Variants in NFATC1 observed in about 807,000 individuals in gnomAD.
The protein encoded by NFATC1 is nuclear factor of activated T-cells, cytoplasmic 1.
In NFATC1, 22 loss-of-function variants were observed where a neutral mutation model predicts 76.0. The ratio of observed to expected loss-of-function variants is 0.29; its 90% CI spans 0.21 to 0.41. The LOEUF (loss-of-function observed/expected upper bound fraction) is 0.41. NFATC1 is among the 10% of genes least tolerant of loss of function. The pLI is 1.00. For synonymous variants in NFATC1, 704 were observed against 613.1 expected (o/e 1.15, Z -2.19); for missense variants, 1,357 against 1,337.7 (o/e 1.01, Z -0.23).
intron 6 of NFATC1, among the ~76,000 whole-genome samples, chr18:79,454,899 C>G (rs968316601): frequency 1.3e-5 from 2 of 152,056 alleles, no homozygotes; most frequent in Non-Finnish European, 2.9e-5. Flanking sequence ...CACACCTGCA[C>G]CCCTCCCGCC....
intron 7 of NFATC1, among the ~76,000 whole-genome samples, chr18:79,464,956 G>C (rs570593581): frequency 4.0e-5 from 6 of 151,580 alleles, no homozygotes; most frequent in African/African-American, 1.5e-4. Context: ...CCTCCCACCT[G>C]GGCCTCCCAA....
intron 9 of NFATC1, chr18:79,523,799 C>G (rs1047833607): frequency 6.6e-6 from 1 of 152,036 alleles, no homozygotes; most frequent in Admixed American, 6.6e-5. Flanking sequence ...AGAGAAAAAT[C>G]TAATATAAGG....
At chr18:79,519,750 G>A (rs2044750) in intron 9 of NFATC1, among the ~76,000 whole-genome samples, 55,191 of 152,008 alleles carry the variant, frequency 0.36, 10,812 homozygotes, top group Non-Finnish European at 0.44. Flanking sequence ...TTCTCAGAAC[G>A]TTGAAGGGAC....
At chr18:79,403,356 C>T (rs948028033) in intron 1 of NFATC1, among the ~76,000 whole-genome samples, 1 of 152,252 alleles carries the variant, frequency 6.6e-6, no homozygotes, top group Non-Finnish European at 1.5e-5. Flanking sequence ...AAATAATTTC[C>T]CAGGCGGGAT....
At chr18:79,426,761 TGCAGCCACTGCAGATTC>T (rs1213283664) in intron 2 of NFATC1, among the ~76,000 whole-genome samples, 1 of 152,242 alleles carries the variant, frequency 6.6e-6, no homozygotes, top group Non-Finnish European at 1.5e-5. Flanking sequence ...AACTTGATTC[TGCAGCCACTGCAGATTC>T]GCGGGAAGCT....
intron 9 of NFATC1, among the ~76,000 whole-genome samples, chr18:79,522,244 AT>A (rs1182896820): frequency 9.9e-6 from 1 of 101,174 alleles, no homozygotes; most frequent in Non-Finnish European, 1.9e-5. Flanking sequence ...GGGGGGTGGC[AT>A]CTGCTGATGT....
intron 9 of NFATC1, among the ~76,000 whole-genome samples, chr18:79,499,805 A>T (rs1600937014): frequency 6.6e-6 from 1 of 152,212 alleles, no homozygotes; most frequent in East Asian, 1.9e-4. Flanking sequence ...GGCAGAGTTA[A>T]TGTAGAAATT....
At chr18:79,401,728 C>T (rs879327453) in intron 1 of NFATC1, among the ~76,000 whole-genome samples, 4 of 152,192 alleles carry the variant, frequency 2.6e-5, no homozygotes, top group African/African-American at 4.8e-5. Flanking sequence ...CCAGGGTGGC[C>T]CCTCTGGGAT....
intron 3 of NFATC1, among the ~76,000 whole-genome samples, chr18:79,445,549 G>A (rs764420922): frequency 2.0e-5 from 3 of 152,360 alleles, no homozygotes; most frequent in East Asian, 1.9e-4. Context: ...GACCCTAGAC[G>A]CTGTTCACAC....
intron 1 of NFATC1, among the ~76,000 whole-genome samples, chr18:79,396,691 TGGGAGGGA>T (rs2085016562): frequency 6.6e-6 from 1 of 152,058 alleles, no homozygotes; most frequent in African/African-American, 2.4e-5. Context: ...AGAGGGCACG[TGGGAGGGA>T]GGAAGGGAGG....
In NFATC1 at chr18:79,410,050, C is replaced by G. The variant is rs368902621; in HGVS notation, c.128-353C>G. 3 of 619,428 alleles carry G rather than the reference C, an allele frequency of 4.8e-6. No individual in the cohort carries two copies. The Admixed American group carries it at 5.5e-5, about 11-fold the overall frequency. 38.4% of individuals were successfully genotyped at this position (619,428 alleles called of 1,614,324 possible). ...GTCGCCTCTCTCTGGGAAGGACGTT[C>G]GGATGAAGATGGGGTGGTTGGGGAA... On this transcript the variant is annotated intron_variant, in intron 1 of 9. Transcript: ENST00000427363. This position sits in a 1 kb window ranked among gnomAD's most constrained non-coding sequence, Gnocchi z 6.7.
chr18:79,477,330 G>A (rs1325305581), intron 8 of NFATC1, among the ~76,000 whole-genome samples: 1 of 152,236 alleles, frequency 6.6e-6, no homozygotes, highest in Non-Finnish European at 1.5e-5. Context: ...CCCTGGTAGA[G>A]TAATTCAAGC....
intron 9 of NFATC1, among the ~76,000 whole-genome samples, chr18:79,518,503 C>G (rs894478290): frequency 3.9e-5 from 6 of 152,196 alleles, no homozygotes; most frequent in Admixed American, 2.0e-4. Context: ...GGCACCCCCC[C>G]TCTCGCTCGT....
intron 9 of NFATC1, among the ~76,000 whole-genome samples, chr18:79,508,839 G>C (rs548540474): frequency 8.0e-5 from 12 of 149,782 alleles, no homozygotes; most frequent in Admixed American, 5.3e-4. Flanking sequence ...GTGTGTCTCT[G>C]TCTCTCTTAT....
chr18:79,513,044 A>G (rs955875132), intron 9 of NFATC1, among the ~76,000 whole-genome samples: 2 of 152,226 alleles, frequency 1.3e-5, no homozygotes, highest in African/African-American at 4.8e-5. Context: ...TGTATCTGCC[A>G]TGTTTTTAAA....
rs1169771500 is a variant in NFATC1, at chr18:79,451,057, C to T, written c.1693C>T (p.Arg565Cys). 7 of 1,613,156 alleles carry T rather than the reference C, an allele frequency of 4.3e-6. No homozygotes were observed. Among genetic ancestry groups the T allele is most frequent in the East Asian group, 4.5e-5 (2 of 44,898 alleles). Residue 565 changes from arginine to cysteine, a missense_variant, in exon 5 of 10, where the codon CGC becomes TGC. Transcript: ENST00000427363. Reference protein sequence around the residue: ...RKNTRVRLVFRVHVPQPSGRT... With the variant: ...RKNTRVRLVFCVHVPQPSGRT... ...GAACACACGGGTACGGCTGGTGTTCCGCGTTCACGTCCCGCAACCCAGCGG... is the reference window on the plus strand; with the variant it reads ...GAACACACGGGTACGGCTGGTGTTCTGCGTTCACGTCCCGCAACCCAGCGG...
chr18:79,449,054 G>A (rs1433555273), intron 4 of NFATC1, 70 bp downstream of exon 4: 45 of 1,499,826 alleles, frequency 3.0e-5, no homozygotes, highest in Admixed American at 3.8e-5. Context: ...TCCCAGTCCC[G>A]GGGGGTCTGG....
At chr18:79,434,008 TG>T (rs2086688028) in intron 3 of NFATC1, among the ~76,000 whole-genome samples, 1 of 152,168 alleles carries the variant, frequency 6.6e-6, no homozygotes, top group East Asian at 1.9e-4. Flanking sequence ...GTGGTGTGGA[TG>T]TTTTGGGGGT....
In NFATC1 at chr18:79,441,141, C is replaced by T. The variant is rs758240845; in HGVS notation, c.1386+7403C>T. Among the ~76,000 whole-genome samples, 73 of 152,330 alleles carry T rather than the reference C, an allele frequency of 4.8e-4. 1 individual carries two copies. Among genetic ancestry groups the T allele is most frequent in the Middle Eastern group, 3.4e-3 (1 of 294 alleles). Reference sequence around the variant, plus strand: ...CATAGACTGACCAGGTCTCACCCTGCGAGGCTCCCTGAGGCCATGTCCTAG... The same window carrying T: ...CATAGACTGACCAGGTCTCACCCTGTGAGGCTCCCTGAGGCCATGTCCTAG... On this transcript the variant is annotated intron_variant, in intron 3 of 9. Transcript: ENST00000427363.
Sources: gnomAD v4.1 joint callset for allele counts (sites outside exome capture counted in the v4.1 genomes callset) on GRCh38, gnomAD v4.1.1 for gene constraint, Gnocchi (gnomAD v3.1) non-coding constraint, MANE v1.5 for transcripts, NCBI Gene and HGNC (gene_info 2026-07-23, HGNC 2026-07-21) for gene names.